ACSL4: variants seen among roughly 807,000 people sequenced by gnomAD.
ACSL4 encodes acyl-CoA synthetase long chain family member 4, also known as long-chain-fatty-acid--CoA ligase 4.
In ACSL4, 9 loss-of-function variants were observed where a neutral mutation model predicts 49.1. The observed-to-expected ratio is 0.18, with a 90% CI of 0.11 to 0.32. The LOEUF (loss-of-function observed/expected upper bound fraction) is 0.32. Among genes scored for constraint, ACSL4 ranks in the 10% least tolerant of loss-of-function variants. The probability of loss-of-function intolerance (pLI) is 1.00; values close to 1 mark genes in which losing one functional copy is unlikely to be tolerated. For missense variants in ACSL4, 333 were observed against 493.7 expected, an observed-to-expected ratio of 0.67 and a Z score of 3.08; for synonymous variants, 191 against 170.3, an observed-to-expected ratio of 1.12 and a Z score of -0.95.
intron 15 of ACSL4, among the ~76,000 whole-genome samples, chrX:109,647,244 C>T (rs1442759497): frequency 1.8e-5 from 2 of 111,696 alleles, no homozygotes; most frequent in Admixed American, 9.5e-5. Context: ...CACACCACAC[C>T]TATTCCAAAA....
intron 1 of ACSL4, among the ~76,000 whole-genome samples, chrX:109,717,138 C>A (rs1462912353): frequency 2.7e-5 from 3 of 111,689 alleles, no homozygotes; most frequent in Non-Finnish European, 3.8e-5. Context: ...CAAACCTGTT[C>A]TCTCTTACCA....
At chrX:109,691,609 G>A (rs749870150) in intron 2 of ACSL4, among the ~76,000 whole-genome samples, 1 of 112,099 alleles carries the variant, frequency 8.9e-6, no homozygotes, top group Admixed American at 9.4e-5. Flanking sequence ...CTTTACAAGA[G>A]ACATTACAAT....
rs1277561184 is a variant in ACSL4, at chrX:109,681,921, G to A, written c.407-546C>T. On this transcript the variant is annotated intron_variant, in intron 4 of 15. Transcript: ENST00000672401. Reference sequence around the variant, plus strand: ...GATCAAGGAGATCTACTCCTTAGGAGCCACCAGAGATAACATAAACCAAGA... The same window carrying A: ...GATCAAGGAGATCTACTCCTTAGGAACCACCAGAGATAACATAAACCAAGA... Among the ~76,000 whole-genome samples the A allele has an allele frequency of 3.6e-5, 4 of 111,716 alleles. No homozygotes were observed. In the East Asian group the frequency reaches 1.1e-3, roughly 31 times the overall value.
At chrX:109,704,444 T>G (rs1327062158) in intron 1 of ACSL4, among the ~76,000 whole-genome samples, 1 of 111,433 alleles carries the variant, frequency 9.0e-6, no homozygotes, top group Non-Finnish European at 1.9e-5. Context: ...TTACATAAAT[T>G]CTCCCCCATG....
At chrX:109,673,005 G>A (rs1923391270) in intron 9 of ACSL4, among the ~76,000 whole-genome samples, 1 of 111,455 alleles carries the variant, frequency 9.0e-6, no homozygotes, top group Non-Finnish European at 1.9e-5. Context: ...GGATGCACTG[G>A]TAATTCGTGC....
chrX:109,660,544 A>C (rs968217699), intron 14 of ACSL4, among the ~76,000 whole-genome samples: 1 of 111,741 alleles, frequency 8.9e-6, no homozygotes, highest in African/African-American at 3.2e-5. Flanking sequence ...AAAATTAAAA[A>C]TAGAACTGTC....
At chrX:109,658,792 C>T (rs191829529) in intron 15 of ACSL4, among the ~76,000 whole-genome samples, 56 of 111,823 alleles carry the variant, frequency 5.0e-4, no homozygotes, top group African/African-American at 1.7e-3. Flanking sequence ...GTTCATCTCT[C>T]TATTGCTGTT....
chrX:109,648,653 G>C (rs1335563924), intron 15 of ACSL4, among the ~76,000 whole-genome samples: 12 of 110,991 alleles, frequency 1.1e-4, no homozygotes, highest in South Asian at 3.8e-4. Context: ...CTATTCAACA[G>C]AGTGTTGGAA....
intron 1 of ACSL4, among the ~76,000 whole-genome samples, chrX:109,718,965 T>C (rs1190668942): frequency 1.8e-5 from 2 of 111,327 alleles, no homozygotes; most frequent in African/African-American, 6.5e-5. Context: ...GGCAGTGCCC[T>C]AAGCAAGGTG....
rs184830400 is a variant in ACSL4 at position 109,722,685 on chromosome X, A to G, written c.-66+10454T>C. On this transcript the variant is annotated intron_variant, in intron 1 of 15. Transcript: ENST00000672401. ...TCCTTGGTTATTTACTTTGGTGACC[A>G]TGACTTTTTTTTTTTTTTAATTCTG... Among the ~76,000 whole-genome samples, 425 of 110,448 alleles carry G rather than the reference A, an allele frequency of 3.8e-3. 7 individuals carry two copies. Among genetic ancestry groups the G allele is most frequent in the African/African-American group, 0.014 (414 of 30,467 alleles).
chrX:109,705,045 C>G (rs1212649235), intron 1 of ACSL4, among the ~76,000 whole-genome samples: 2 of 111,303 alleles, frequency 1.8e-5, no homozygotes, highest in African/African-American at 6.5e-5. Context: ...ATGATTCTCT[C>G]CGAACTCATT....
chrX:109,645,142 G>C (rs1285645095), intron 15 of ACSL4, among the ~76,000 whole-genome samples: 53 of 113,321 alleles, frequency 4.7e-4, no homozygotes, highest in Non-Finnish European at 7.5e-4. Flanking sequence ...CAAAGCAGCT[G>C]GGAAGCTCCA....
chrX:109,676,943 A>T (rs1923745761), intron 8 of ACSL4, among the ~76,000 whole-genome samples: 1 of 111,766 alleles, frequency 8.9e-6, no homozygotes, highest in African/African-American at 3.2e-5. Flanking sequence ...CAAATAAAAA[A>T]ATTTTTTTCA....
intron 15 of ACSL4, among the ~76,000 whole-genome samples, chrX:109,657,691 T>A (rs182425382): frequency 1.3e-4 from 15 of 111,890 alleles, no homozygotes; most frequent in African/African-American, 4.9e-4. Context: ...TGTGCATGTG[T>A]CTTTACAGCA....
intron 15 of ACSL4, among the ~76,000 whole-genome samples, chrX:109,646,454 T>C (rs1934705391): frequency 9.1e-6 from 1 of 109,453 alleles, no homozygotes; most frequent in African/African-American, 3.3e-5. Flanking sequence ...TAAAATACTT[T>C]ACAGACAAGC....
chrX:109,724,331 G>C (rs775812585), intron 1 of ACSL4, among the ~76,000 whole-genome samples: 1 of 111,226 alleles, frequency 9.0e-6, no homozygotes, highest in South Asian at 3.7e-4. Context: ...CTGGAATGCA[G>C]TGGAGTGACC....
At chrX:109,727,934 T>G (rs1377434861) in intron 1 of ACSL4, among the ~76,000 whole-genome samples, 2 of 112,263 alleles carry the variant, frequency 1.8e-5, no homozygotes, top group African/African-American at 6.5e-5. Context: ...GGCAGTATTT[T>G]GCCAGCCCCT....
intron 1 of ACSL4, among the ~76,000 whole-genome samples, chrX:109,706,396 A>G (rs1405156387): frequency 8.9e-6 from 1 of 112,485 alleles, no homozygotes; most frequent in Non-Finnish European, 1.9e-5. Flanking sequence ...AGAGTATGAA[A>G]AAACAACAAG....
chrX:109,644,007 C>T lies in ACSL4; in HGVS notation c.*22G>A, dbSNP rs763217379. ...AACCACCAGGCTACCTCCTGCACAACTGTCAATAAGACAACAACATTTTAT... is the reference window on the plus strand; with the variant it reads ...AACCACCAGGCTACCTCCTGCACAATTGTCAATAAGACAACAACATTTTAT... On this transcript the variant is annotated 3_prime_UTR_variant, in exon 16 of 16. Transcript: ENST00000672401. The T allele has an allele frequency of 4.1e-6, 5 of 1,210,241 alleles. No homozygotes were observed. Among genetic ancestry groups the T allele is most frequent in the South Asian group, 1.8e-5 (1 of 57,003 alleles).
Sources: gnomAD v4.1 joint callset for allele counts (sites outside exome capture counted in the v4.1 genomes callset) on GRCh38, gnomAD v4.1.1 for gene constraint, MANE v1.5 for transcripts, NCBI Gene and HGNC (gene_info 2026-07-23, HGNC 2026-07-21) for gene names.